SYT9: variants seen among roughly 807,000 people sequenced by gnomAD.
The protein encoded by SYT9 is synaptotagmin 9, also known as synaptotagmin-9.
Under a neutral mutation model 48.4 loss-of-function variants are expected in SYT9, and 22 were observed. The observed-to-expected ratio is 0.45, with a 90% confidence interval of 0.32 to 0.65. The LOEUF (loss-of-function observed/expected upper bound fraction) is 0.65. Ranked by LOEUF, SYT9 falls within the 30% of genes least tolerant of loss-of-function variation. The probability of loss-of-function intolerance (pLI) is 0.03; values close to 1 mark genes in which losing one functional copy is unlikely to be tolerated. For synonymous variants in SYT9, 265 were observed against 245.0 expected (o/e 1.08, Z -0.76); for missense variants, 577 against 622.0 (o/e 0.93, Z 0.77).
chr11:7,433,093 T>A (rs1238894271), intron 6 of SYT9, among the ~76,000 whole-genome samples: 2 of 152,138 alleles, frequency 1.3e-5, no homozygotes, highest in African/African-American at 4.8e-5. Context: ...AGGGAGTTCT[T>A]GCAAGATCTG....
intron 3 of SYT9, among the ~76,000 whole-genome samples, chr11:7,335,710 G>T (rs914761921): frequency 6.6e-6 from 1 of 151,940 alleles, no homozygotes; most frequent in African/African-American, 2.4e-5. Context: ...AGTATTCTGT[G>T]GTATATATGT....
Position 7,418,909 on chromosome 11 carries a change from T to C in SYT9, c.1337+781T>C, listed in dbSNP as rs77596595. ...AACCTCCCACGTGGTCTGGACACAA[T>C]TATTAAAAAAAATATTCTGACTTCT... On this transcript the variant is annotated intron_variant, in intron 5 of 6. Transcript: ENST00000318881. Among the ~76,000 whole-genome samples, 885 of 152,324 alleles carry C rather than the reference T, an allele frequency of 5.8e-3. 7 individuals carry two copies. Among genetic ancestry groups the C allele is most frequent in the African/African-American group, 0.02 (838 of 41,568 alleles).
chr11:7,371,951 T>C (rs1850369624), intron 3 of SYT9, among the ~76,000 whole-genome samples: 1 of 152,202 alleles, frequency 6.6e-6, no homozygotes, highest in East Asian at 1.9e-4. Flanking sequence ...CTTGCTAATA[T>C]GAATACAGCT....
intron 6 of SYT9, among the ~76,000 whole-genome samples, chr11:7,424,639 G>A (rs1323801914): frequency 6.6e-6 from 1 of 152,190 alleles, no homozygotes; most frequent in Non-Finnish European, 1.5e-5. Context: ...CTGGTTAAAT[G>A]AAATTTCACT....
intron 3 of SYT9, among the ~76,000 whole-genome samples, chr11:7,383,945 C>A (rs924882480): frequency 1.3e-5 from 2 of 151,984 alleles, no homozygotes; most frequent in African/African-American, 4.8e-5. Flanking sequence ...TACTTTGTTT[C>A]TTTTTAAATA....
At chr11:7,365,169 C>A (rs1007250570) in intron 3 of SYT9, among the ~76,000 whole-genome samples, 19 of 151,442 alleles carry the variant, frequency 1.3e-4, no homozygotes, top group African/African-American at 4.6e-4. Flanking sequence ...GCATTTTTGT[C>A]TTCATGATTG....
chr11:7,454,278 T>C (rs1848109361), intron 6 of SYT9: 1 of 985,408 alleles, frequency 1.0e-6, no homozygotes, highest in Non-Finnish European at 1.2e-6. Flanking sequence ...TGCAGTGGCC[T>C]GAGGAATGGT....
intron 1 of SYT9, among the ~76,000 whole-genome samples, chr11:7,259,160 A>T (rs1241782314): frequency 6.6e-6 from 1 of 152,162 alleles, no homozygotes; most frequent in Non-Finnish European, 1.5e-5. Flanking sequence ...CTATACTAGT[A>T]CCTATCTCGC....
At chr11:7,271,157 C>A (rs1325779625) in intron 1 of SYT9, among the ~76,000 whole-genome samples, 1 of 152,028 alleles carries the variant, frequency 6.6e-6, no homozygotes, top group African/African-American at 2.4e-5. Flanking sequence ...AGATGGAGAA[C>A]ACATTTTTTC....
At chr11:7,294,474 T>G (rs1848755280) in intron 1 of SYT9, among the ~76,000 whole-genome samples, 1 of 152,236 alleles carries the variant, frequency 6.6e-6, no homozygotes, top group African/African-American at 2.4e-5. Flanking sequence ...CTTCCAGCTG[T>G]GAACCTGTGA....
rs572565382 is a variant in SYT9, at chr11:7,416,108, A to G, written c.1111A>G (p.Ile371Val). 3.1e-6 allele frequency: 5 copies of G among 1,614,196 alleles called. No individual in the cohort carries two copies. Among genetic ancestry groups the G allele is most frequent in the East Asian group, 2.2e-5 (1 of 44,886 alleles). Reference sequence around the variant, plus strand: ...TCTTCCAACGGCTGGCAGGCTGACCATTACCATTATAAAAGCAAGGAATTT... The same window carrying G: ...TCTTCCAACGGCTGGCAGGCTGACCGTTACCATTATAAAAGCAAGGAATTT... ...CYLPTAGRLT[I>V]TIIKARNLKA... Residue 371 changes from isoleucine (I) to valine (V), a missense_variant, in exon 4 of 7, where the codon ATT becomes GTT. Coordinates refer to ENST00000318881, the MANE Select transcript of SYT9 (RefSeq NM_175733.4).
chr11:7,286,745 CA>C (rs1343640168), intron 1 of SYT9, among the ~76,000 whole-genome samples: 1 of 152,202 alleles, frequency 6.6e-6, no homozygotes, highest in Admixed American at 6.5e-5. Flanking sequence ...CTTTCTGGGG[CA>C]GGGGCAAAAT....
intron 3 of SYT9, among the ~76,000 whole-genome samples, chr11:7,360,728 T>C (rs1248148794): frequency 6.6e-6 from 1 of 152,206 alleles, no homozygotes; most frequent in Non-Finnish European, 1.5e-5. Flanking sequence ...CATGTTGTTA[T>C]GATATCAAAG....
At chr11:7,411,877 C>A (rs1847142089) in intron 3 of SYT9, among the ~76,000 whole-genome samples, 1 of 152,158 alleles carries the variant, frequency 6.6e-6, no homozygotes, top group South Asian at 2.1e-4. Flanking sequence ...CCATAGGTCA[C>A]AAAGCCTTTC....
At chr11:7,370,983 AT>A (rs1850351348) in intron 3 of SYT9, among the ~76,000 whole-genome samples, 1 of 152,122 alleles carries the variant, frequency 6.6e-6, no homozygotes, top group African/African-American at 2.4e-5. Flanking sequence ...TGTATTCCAT[AT>A]TTTTGAGATA....
At chr11:7,280,840 T>C (rs1848481355) in intron 1 of SYT9, among the ~76,000 whole-genome samples, 1 of 152,236 alleles carries the variant, frequency 6.6e-6, no homozygotes, top group South Asian at 2.1e-4. Context: ...ACTGAGAGCA[T>C]AGACAATAAA....
chr11:7,387,726 A>C (rs1850688347), intron 3 of SYT9, among the ~76,000 whole-genome samples: 1 of 152,224 alleles, frequency 6.6e-6, no homozygotes, highest in African/African-American at 2.4e-5. Context: ...TTCCCTTTCC[A>C]TATCTGGTTT....
chr11:7,375,638 T>A (rs1850439134), intron 3 of SYT9, among the ~76,000 whole-genome samples: 1 of 152,176 alleles, frequency 6.6e-6, no homozygotes, highest in Non-Finnish European at 1.5e-5. Context: ...TCACATCCCT[T>A]GTAAGTTGGA....
At chr11:7,258,711 T>C (rs937324020) in intron 1 of SYT9, among the ~76,000 whole-genome samples, 5 of 152,114 alleles carry the variant, frequency 3.3e-5, no homozygotes, top group African/African-American at 1.2e-4. Flanking sequence ...GAGTGGAAGA[T>C]TGCTGTAACA....
Sources: allele counts gnomAD v4.1 joint callset (sites outside exome capture counted in the v4.1 genomes callset), GRCh38; gene constraint gnomAD v4.1.1; transcripts MANE v1.5; gene names NCBI Gene and HGNC (gene_info 2026-07-23, HGNC 2026-07-21).